Variants in MLLT3 observed in about 807,000 individuals in gnomAD.
MLLT3 encodes the protein protein AF-9.
MLLT3 carries 4 observed loss-of-function variants against 53.2 expected under a neutral mutation model. The observed-to-expected ratio is 0.08, with a 90% CI of 0.04 to 0.17. The LOEUF is 0.17. Among genes scored for constraint, MLLT3 ranks in the 10% least tolerant of loss-of-function variants. The pLI is 1.00. For synonymous variants in MLLT3, 283 were observed against 230.6 expected, an observed-to-expected ratio of 1.23 and a Z score of -2.06; for missense variants, 569 against 684.0, an observed-to-expected ratio of 0.83 and a Z score of 1.87.
chr9:20,487,857 T>C (rs759410268), intron 2 of MLLT3, among the ~76,000 whole-genome samples: 2 of 152,094 alleles, frequency 1.3e-5, no homozygotes, highest in African/African-American at 2.4e-5. Flanking sequence ...TGAAATTATA[T>C]AGTATTTGAG....
chr9:20,589,194 A>C (rs1361507386), intron 2 of MLLT3, among the ~76,000 whole-genome samples: 1 of 150,576 alleles, frequency 6.6e-6, no homozygotes, highest in Non-Finnish European at 1.5e-5. Flanking sequence ...CCAAATGTCC[A>C]ACAATGATAG....
At chr9:20,615,958 T>C (rs1197516822) in intron 2 of MLLT3, among the ~76,000 whole-genome samples, 2 of 151,946 alleles carry the variant, frequency 1.3e-5, no homozygotes, top group Non-Finnish European at 2.9e-5. Context: ...TTCATTAAAA[T>C]GTTACCTGTA....
At chr9:20,501,928 A>G (rs1017900962) in intron 2 of MLLT3, among the ~76,000 whole-genome samples, 1 of 151,854 alleles carries the variant, frequency 6.6e-6, no homozygotes, top group African/African-American at 2.4e-5. Context: ...TAAAAATACA[A>G]AAATTAGCTG....
At chr9:20,512,591 T>C (rs550657306) in intron 2 of MLLT3, among the ~76,000 whole-genome samples, 133 of 152,358 alleles carry the variant, frequency 8.7e-4, no homozygotes, top group African/African-American at 3.1e-3. Flanking sequence ...TTTTATCCTA[T>C]ACACCCCCTA....
chr9:20,348,017 G>T (rs1820920724), intron 10 of MLLT3, among the ~76,000 whole-genome samples: 1 of 152,078 alleles, frequency 6.6e-6, no homozygotes, highest in Non-Finnish European at 1.5e-5. Flanking sequence ...CCCCATTCCT[G>T]ACATATTATT....
intron 2 of MLLT3, among the ~76,000 whole-genome samples, chr9:20,471,156 C>A (rs1189944387): frequency 1.3e-5 from 2 of 151,998 alleles, no homozygotes; most frequent in Non-Finnish European, 2.9e-5. Flanking sequence ...AGCATTCAAT[C>A]AATAGATATT....
intron 2 of MLLT3, among the ~76,000 whole-genome samples, chr9:20,565,959 TATATATATTTATATATA>T (rs1563820541): frequency 4.1e-4 from 15 of 36,978 alleles, no homozygotes; most frequent in South Asian, 1.0e-3. Context: ...TATATTTATA[TATATATATTTATATATA>T]TATATATTTA....
At chr9:20,358,287 C>T (rs1408575216) in intron 8 of MLLT3, among the ~76,000 whole-genome samples, 1 of 152,076 alleles carries the variant, frequency 6.6e-6, no homozygotes, top group Non-Finnish European at 1.5e-5. Flanking sequence ...GTAAGCCCTC[C>T]TGTGGTATAT....
chr9:20,460,828 A>G (rs1246301066), intron 2 of MLLT3, among the ~76,000 whole-genome samples: 1 of 152,248 alleles, frequency 6.6e-6, no homozygotes, highest in Non-Finnish European at 1.5e-5. Flanking sequence ...CAATCAACAT[A>G]AACTTTTAAA....
intron 2 of MLLT3, among the ~76,000 whole-genome samples, chr9:20,504,503 A>G (rs897792100): frequency 2.0e-5 from 3 of 152,312 alleles, no homozygotes; most frequent in Admixed American, 2.0e-4. Context: ...ACAGAAAGAC[A>G]AATAATCACA....
chr9:20,369,817 G>A (rs1001043679), intron 5 of MLLT3, among the ~76,000 whole-genome samples: 2 of 152,042 alleles, frequency 1.3e-5, no homozygotes, highest in Non-Finnish European at 2.9e-5. Flanking sequence ...ATCTTTACAG[G>A]CCCTAAGGAT....
chr9:20,405,297 G>A (rs1018810900), intron 5 of MLLT3, among the ~76,000 whole-genome samples: 1 of 152,192 alleles, frequency 6.6e-6, no homozygotes, highest in Non-Finnish European at 1.5e-5. Flanking sequence ...TCCAAGTACT[G>A]TGGCTACATT....
At chr9:20,586,190 T>C (rs1012002861) in intron 2 of MLLT3, among the ~76,000 whole-genome samples, 1 of 151,936 alleles carries the variant, frequency 6.6e-6, no homozygotes, top group Admixed American at 6.6e-5. Context: ...TGTGGTGGTG[T>C]GTGCCTGTAG....
rs918236859 is a variant in MLLT3 at position 20,621,311 on chromosome 9, CGT to C, written c.13-479_13-478del. ...CACACGCCGAGGAAGTCTTTGTGTA[CGT>C]GTGTGTGCGTGCGTGTGGAGCGCTG... On this transcript the variant is annotated intron_variant, in intron 1 of 10. Coordinates refer to ENST00000380338, the MANE Select transcript of MLLT3 (RefSeq NM_004529.4). This position sits in a 1 kb window ranked among gnomAD's most constrained non-coding sequence, Gnocchi z 7.0. Among the ~76,000 whole-genome samples, 4 of 152,154 alleles carry C rather than the reference CGT, an allele frequency of 2.6e-5. No homozygotes were observed. Among genetic ancestry groups the C allele is most frequent in the African/African-American group, 9.7e-5 (4 of 41,440 alleles).
At position 20,431,102 on chromosome 9, in the gene MLLT3, G is replaced by C. The variant is rs190930243; in HGVS notation, c.421-16677C>G. On this transcript the variant is annotated intron_variant, in intron 4 of 10. Coordinates refer to ENST00000380338, the MANE Select transcript of MLLT3 (RefSeq NM_004529.4). ...AACAATGAGATCTCTTTTACATGCT[G>C]ACATGAGACTCTAAATTGCTATAAC... Among the ~76,000 whole-genome samples the C allele has an allele frequency of 4.9e-4, 74 of 152,198 alleles. 2 individuals carry two copies. In the East Asian group the frequency reaches 0.011, roughly 22 times the overall value.
chr9:20,404,730 T>C (rs1051838055), intron 5 of MLLT3, among the ~76,000 whole-genome samples: 5 of 152,152 alleles, frequency 3.3e-5, no homozygotes, highest in African/African-American at 1.2e-4. Flanking sequence ...GGTCTTGAAC[T>C]CCTGGCTTCA....
At chr9:20,360,987 C>T in intron 7 of MLLT3, 146 bp from the exon 8 acceptor site, 4 of 684,156 alleles carry the variant, frequency 5.8e-6, no homozygotes, top group Non-Finnish European at 1.0e-5. Flanking sequence ...CATATTGGTG[C>T]TTACTTTGTA....
chr9:20,566,593 C>G (rs1169383143), intron 2 of MLLT3, among the ~76,000 whole-genome samples: 2 of 152,064 alleles, frequency 1.3e-5, no homozygotes, highest in Non-Finnish European at 2.9e-5. Flanking sequence ...TCTATAAGAG[C>G]AAGAAATGCC....
intron 5 of MLLT3, among the ~76,000 whole-genome samples, chr9:20,408,740 A>G (rs1262764896): frequency 6.6e-6 from 1 of 152,090 alleles, no homozygotes; most frequent in Non-Finnish European, 1.5e-5. Flanking sequence ...GACTGCAACA[A>G]CCTTCCATCA....
Sources: gnomAD v4.1 joint callset for allele counts (sites outside exome capture counted in the v4.1 genomes callset) on GRCh38, gnomAD v4.1.1 for gene constraint, Gnocchi (gnomAD v3.1) non-coding constraint, MANE v1.5 for transcripts, NCBI Gene and HGNC (gene_info 2026-07-23, HGNC 2026-07-21) for gene names.